UGT1A6: variants seen among roughly 807,000 people sequenced by gnomAD.
The protein encoded by UGT1A6 is UDP glucuronosyltransferase family 1 member A6, also known as UDP-glucuronosyltransferase 1A6.
UGT1A6 carries 32 observed loss-of-function variants against 44.4 expected under a neutral mutation model. That is an observed-to-expected ratio of 0.72 (90% CI 0.54 to 0.97). The LOEUF is 0.97. Among genes scored for constraint, UGT1A6 ranks in the 50% least tolerant of loss-of-function variants. The pLI is 0.00. For missense variants in UGT1A6, 685 were observed against 661.9 expected (o/e 1.03, Z -0.38); for synonymous variants, 238 against 248.5 (o/e 0.96, Z 0.40).
chr2:233,762,113 A>C (rs1697972454), intron 1 of UGT1A6, among the ~76,000 whole-genome samples: 1 of 152,166 alleles, frequency 6.6e-6, no homozygotes, highest in Non-Finnish European at 1.5e-5. Flanking sequence ...TCCGCTTCAC[A>C]TCATGAGCCA....
intron 1 of UGT1A6, among the ~76,000 whole-genome samples, chr2:233,748,384 T>C (rs546137113): frequency 6.6e-6 from 1 of 151,886 alleles, no homozygotes; most frequent in South Asian, 2.1e-4. Context: ...ATGTCCTTCA[T>C]TGGGAAGGAG....
At chr2:233,735,331 C>A (rs2078638880) in intron 1 of UGT1A6, among the ~76,000 whole-genome samples, 1 of 152,064 alleles carries the variant, frequency 6.6e-6, no homozygotes, top group Non-Finnish European at 1.5e-5. Context: ...AGGATTGCAA[C>A]CCCTGCTTTT....
intron 1 of UGT1A6, among the ~76,000 whole-genome samples, chr2:233,696,657 C>A (rs2125568532): frequency 6.6e-6 from 1 of 152,248 alleles, no homozygotes; most frequent in Admixed American, 6.5e-5. Context: ...ACTTCCAGTA[C>A]TATGAAGAAT....
intron 1 of UGT1A6, chr2:233,713,349 A>G (rs774630378): frequency 5.5e-5 from 88 of 1,614,072 alleles, no homozygotes; most frequent in East Asian, 4.5e-5. Context: ...TATGAACAAT[A>G]TGTCTTTGAT....
chr2:233,769,698 G>T lies in UGT1A6; in HGVS notation c.1301+1259G>T. 1.3e-6 allele frequency: 2 copies of T among 1,529,982 alleles called. No individual in the cohort carries two copies. Among genetic ancestry groups the T allele is most frequent in the Non-Finnish European group, 1.8e-6 (2 of 1,137,522 alleles). The allele number at this position is 1,529,982 out of a possible 1,614,324, so 94.8% of individuals were successfully genotyped here. A position where few individuals can be genotyped will look rare whatever the true frequency, so the allele number is the denominator to read the frequency against. On this transcript the variant is annotated intron_variant, in intron 4 of 4. Coordinates refer to ENST00000305139, the MANE Select transcript of UGT1A6 (RefSeq NM_001072.4). The surrounding 1 kb of genome is among the most constrained non-coding windows in gnomAD (Gnocchi z 4.4). ...GTGTGTGTGGTGGCACTGGATAAAA[G>T]ATCAATGTTGGCTAGGCACCATGGC...
chr2:233,694,976 T>C (rs553347188), intron 1 of UGT1A6, among the ~76,000 whole-genome samples: 122 of 152,352 alleles, frequency 8.0e-4, no homozygotes, highest in African/African-American at 2.9e-3. Flanking sequence ...ATTCCTTCCT[T>C]ATGTTGGGAA....
chr2:233,747,166 G>A, intron 1 of UGT1A6: 1 of 1,592,464 alleles, frequency 6.3e-7, no homozygotes, highest in Non-Finnish European at 8.5e-7. Context: ...ACAAATGTAG[G>A]AGGCACAGCG....
intron 1 of UGT1A6, among the ~76,000 whole-genome samples, chr2:233,746,796 G>A (rs1217306288): frequency 1.3e-5 from 2 of 151,816 alleles, no homozygotes; most frequent in Admixed American, 1.3e-4. Flanking sequence ...TAATTCATGA[G>A]CGTGAATGTG....
intron 1 of UGT1A6, among the ~76,000 whole-genome samples, chr2:233,737,003 G>A (rs560792837): frequency 9.8e-5 from 15 of 152,324 alleles, no homozygotes; most frequent in Middle Eastern, 3.4e-3. Context: ...TCAGGGACCC[G>A]CTTGAGGAGG....
chr2:233,726,873 G>A (rs1410865062), intron 1 of UGT1A6, among the ~76,000 whole-genome samples: 1 of 151,998 alleles, frequency 6.6e-6, no homozygotes, highest in Non-Finnish European at 1.5e-5. Context: ...TATTCTCCAG[G>A]CTTCAGAGCT....
Position 233,772,689 on chromosome 2 carries a change from A to G in UGT1A6, c.*130A>G. ...CTTTGCATAAATTAATCAGCCCCAG[A>G]GTGCTTTAAAAAATTCTCTTAAATA... On this transcript the variant is annotated 3_prime_UTR_variant, in exon 5 of 5. Transcript: ENST00000305139. 6.7e-7 allele frequency: 1 copy of G among 1,492,458 alleles called. No homozygotes were observed. Among genetic ancestry groups the G allele is most frequent in the Non-Finnish European group, 8.9e-7 (1 of 1,128,008 alleles). The allele number at this position is 1,492,458 out of a possible 1,614,324, so 92.5% of individuals were successfully genotyped here. A position where few individuals can be genotyped will look rare whatever the true frequency, so the allele number is the denominator to read the frequency against.
chr2:233,697,051 T>C (rs2075372037), intron 1 of UGT1A6, among the ~76,000 whole-genome samples: 1 of 152,152 alleles, frequency 6.6e-6, no homozygotes, highest in Non-Finnish European at 1.5e-5. Flanking sequence ...TTTTTTGTTG[T>C]GTCCTTGTCT....
chr2:233,701,897 G>T (rs1185390502), intron 1 of UGT1A6, among the ~76,000 whole-genome samples: 1 of 152,020 alleles, frequency 6.6e-6, no homozygotes, highest in Non-Finnish European at 1.5e-5. Flanking sequence ...AAGCAGAAAA[G>T]ATCTAAAATT....
chr2:233,722,328 T>C (rs2077007170), intron 1 of UGT1A6, among the ~76,000 whole-genome samples: 1 of 152,230 alleles, frequency 6.6e-6, no homozygotes, highest in African/African-American at 2.4e-5. Flanking sequence ...GGTTGACCCT[T>C]AGATTTGAAA....
intron 1 of UGT1A6, among the ~76,000 whole-genome samples, chr2:233,698,607 A>G (rs974774486): frequency 6.6e-6 from 1 of 152,244 alleles, no homozygotes; most frequent in Admixed American, 6.5e-5. Context: ...GGATTAATAA[A>G]CAGTGGAATT....
intron 1 of UGT1A6, among the ~76,000 whole-genome samples, chr2:233,720,042 G>A (rs1048137470): frequency 2.6e-5 from 4 of 152,186 alleles, no homozygotes; most frequent in Non-Finnish European, 5.9e-5. Flanking sequence ...CTGATTTTCA[G>A]CTGAACGGTG....
chr2:233,748,202 A>G (rs1693892993), intron 1 of UGT1A6: 1 of 1,528,284 alleles, frequency 6.5e-7, no homozygotes. Flanking sequence ...GCTTGTCGTA[A>G]TAGCCTTCAG....
intron 1 of UGT1A6, among the ~76,000 whole-genome samples, chr2:233,764,385 C>A (rs1299567681): frequency 6.6e-6 from 1 of 152,140 alleles, no homozygotes; most frequent in African/African-American, 2.4e-5. Context: ...AGGAGTTGGC[C>A]GTGATGACAA....
chr2:233,693,015 T>C lies in UGT1A6; in HGVS notation c.11T>C (p.Leu4Pro). MAC[L>P]LRSFQRISAG... Reference sequence around the variant, plus strand: ...TTAACTCTTTCCAGGATGGCCTGCCTCCTTCGCTCATTTCAGAGAATTTCT... The same window carrying C: ...TTAACTCTTTCCAGGATGGCCTGCCCCCTTCGCTCATTTCAGAGAATTTCT... Residue 4 changes from leucine to proline, a missense_variant, in exon 1 of 5, where the codon CTC (leucine) becomes CCC (proline). Transcript: ENST00000305139. The C allele has an allele frequency of 1.2e-6, 2 of 1,614,174 alleles. No homozygotes were observed. Among genetic ancestry groups the C allele is most frequent in the Non-Finnish European group, 1.7e-6 (2 of 1,180,040 alleles).
Sources: gnomAD v4.1 joint callset for allele counts (sites outside exome capture counted in the v4.1 genomes callset) on GRCh38, gnomAD v4.1.1 for gene constraint, Gnocchi (gnomAD v3.1) non-coding constraint, MANE v1.5 for transcripts, NCBI Gene and HGNC (gene_info 2026-07-23, HGNC 2026-07-21) for gene names.